DIS3L2: variants seen among roughly 807,000 people sequenced by gnomAD.
The protein encoded by DIS3L2 is DIS3 like 3'-5' exoribonuclease 2, also known as DIS3-like exonuclease 2.
Under a neutral mutation model 97.5 loss-of-function variants are expected in DIS3L2, and 34 were observed. The ratio of observed to expected loss-of-function variants is 0.35; its 90% CI spans 0.27 to 0.46. DIS3L2 has a LOEUF of 0.46. Among genes scored for constraint, DIS3L2 ranks in the 20% least tolerant of loss-of-function variants. DIS3L2 has a pLI of 1.00. For missense variants in DIS3L2, 1,038 were observed against 1,146.0 expected (o/e 0.91, Z 1.36); for synonymous variants, 435 against 445.2 (o/e 0.98, Z 0.29).
chr2:232,014,648 G>C (rs1694302875), intron 1 of DIS3L2, among the ~76,000 whole-genome samples, 187 bp from the exon 2 acceptor site: 1 of 152,198 alleles, frequency 6.6e-6, no homozygotes, highest in South Asian at 2.1e-4. Flanking sequence ...TGGTACCTGT[G>C]AGGGTGAAGG....
At chr2:232,173,963 A>G (rs1426313633) in intron 9 of DIS3L2, among the ~76,000 whole-genome samples, 1 of 152,072 alleles carries the variant, frequency 6.6e-6, no homozygotes, top group Non-Finnish European at 1.5e-5. Flanking sequence ...TCAGCTTGTC[A>G]ATTTCAGGAG....
intron 5 of DIS3L2, among the ~76,000 whole-genome samples, chr2:232,071,381 G>T (rs987195863): frequency 2.6e-5 from 4 of 152,048 alleles, no homozygotes; most frequent in African/African-American, 9.7e-5. Context: ...AGGTAGCCAG[G>T]CATGTTGGTG....
chr2:232,172,651 G>A (rs766120598), intron 9 of DIS3L2: 1 of 530,474 alleles, frequency 1.9e-6, no homozygotes, highest in Admixed American at 2.0e-5. Flanking sequence ...TATACACCTA[G>A]GAGTGAAATT....
chr2:232,010,156 A>G (rs998813559), intron 1 of DIS3L2, among the ~76,000 whole-genome samples: 17 of 152,140 alleles, frequency 1.1e-4, no homozygotes, highest in African/African-American at 4.1e-4. Context: ...AATGTTTTTG[A>G]TCAATATCAA....
At chr2:232,070,804 C>T (rs544315596) in intron 5 of DIS3L2, among the ~76,000 whole-genome samples, 3 of 152,108 alleles carry the variant, frequency 2.0e-5, no homozygotes, top group South Asian at 4.2e-4. Flanking sequence ...AGGATGGTCT[C>T]GATCTCTTGA....
chr2:232,292,572 G>A lies in DIS3L2; in HGVS notation c.1660-7468G>A, dbSNP rs138011829. Among the ~76,000 whole-genome samples the A allele has an allele frequency of 3.9e-3, 590 of 152,276 alleles. 10 individuals carry two copies. The highest frequency in any genetic ancestry group is 0.014 in the African/African-American group (573 of 41,544). On this transcript the variant is annotated intron_variant, in intron 13 of 20. Coordinates refer to ENST00000325385, the MANE Select transcript of DIS3L2 (RefSeq NM_152383.5). This position sits in a 1 kb window ranked among gnomAD's most constrained non-coding sequence, Gnocchi z 4.4. ...ATCCAGGCTCCTAGAGCTCACCCAC[G>A]CGATTCTCTTAAGGCCAGTTTCCTG...
chr2:232,016,202 A>T (rs981060215), intron 3 of DIS3L2, among the ~76,000 whole-genome samples: 5 of 152,244 alleles, frequency 3.3e-5, no homozygotes, highest in Non-Finnish European at 4.4e-5. Context: ...TGAGTGCTTT[A>T]TACTTTACAA....
rs139072730 is a variant in DIS3L2 at position 232,221,797 on chromosome 2, G to A, written c.1204+11392G>A. Among the ~76,000 whole-genome samples, 896 of 152,026 alleles carry A rather than the reference G, an allele frequency of 5.9e-3. 6 individuals carry two copies. The highest frequency in any genetic ancestry group is 0.02 in the African/African-American group (826 of 41,474). On this transcript the variant is annotated intron_variant, in intron 10 of 20. Transcript: ENST00000325385. Reference sequence around the variant, plus strand: ...GCCGGGGTGACAAGAGTGAAACTCCGTCTCAAAAAAAGAAAAGAAAAATTC... The same window carrying A: ...GCCGGGGTGACAAGAGTGAAACTCCATCTCAAAAAAAGAAAAGAAAAATTC...
chr2:232,055,173 T>C (rs1559579367), intron 5 of DIS3L2, among the ~76,000 whole-genome samples: 1 of 152,204 alleles, frequency 6.6e-6, no homozygotes, highest in South Asian at 2.1e-4. Context: ...CCTCTGATAA[T>C]GGGAATGAAG....
intron 5 of DIS3L2, among the ~76,000 whole-genome samples, chr2:232,064,282 G>A (rs12466027): frequency 0.11 from 16,779 of 152,066 alleles, 1,149 homozygotes; most frequent in African/African-American, 0.19. Context: ...GCATCCCTGT[G>A]GATTTACCTT....
intron 10 of DIS3L2, among the ~76,000 whole-genome samples, chr2:232,229,376 C>T (rs1002030498): frequency 6.6e-6 from 1 of 152,158 alleles, no homozygotes; most frequent in Non-Finnish European, 1.5e-5. Flanking sequence ...TAGGGTCCTT[C>T]GCAGTCCCTA....
At chr2:232,026,420 GT>G (rs1367391875) in intron 4 of DIS3L2, among the ~76,000 whole-genome samples, 1 of 152,026 alleles carries the variant, frequency 6.6e-6, no homozygotes, top group African/African-American at 2.4e-5. Context: ...CTGTCCCCTT[GT>G]GATTCCCTTG....
chr2:231,991,451 G>C (rs984596217), intron 1 of DIS3L2, among the ~76,000 whole-genome samples: 4 of 151,752 alleles, frequency 2.6e-5, no homozygotes, highest in Non-Finnish European at 5.9e-5. Flanking sequence ...TAGATTTTTG[G>C]TAGAGATGAA....
chr2:231,992,775 T>G (rs1481491438), intron 1 of DIS3L2, among the ~76,000 whole-genome samples: 4 of 152,182 alleles, frequency 2.6e-5, no homozygotes, highest in Admixed American at 2.0e-4. Context: ...CTCTTTTCCC[T>G]GCTGCCAAGC....
At chr2:231,995,666 C>G (rs997045079) in intron 1 of DIS3L2, among the ~76,000 whole-genome samples, 8 of 152,162 alleles carry the variant, frequency 5.3e-5, no homozygotes, top group Non-Finnish European at 1.0e-4. Flanking sequence ...TCTACTTTTT[C>G]TGGTTTCTGG....
chr2:232,261,139 TAG>T (rs1693701851), intron 12 of DIS3L2, among the ~76,000 whole-genome samples: 1 of 152,152 alleles, frequency 6.6e-6, no homozygotes, highest in Admixed American at 6.5e-5. Context: ...CTCAACTACA[TAG>T]ATTGGGGTTC....
intron 4 of DIS3L2, 54 bp downstream of exon 4, chr2:232,024,384 T>A: frequency 7.3e-7 from 1 of 1,377,404 alleles, no homozygotes; most frequent in Non-Finnish European, 1.0e-6. Flanking sequence ...TTTTTAGATC[T>A]GCTCCGAAAC....
At chr2:232,309,832 A>G (rs927450308) in intron 14 of DIS3L2, among the ~76,000 whole-genome samples, 1 of 152,214 alleles carries the variant, frequency 6.6e-6, no homozygotes, top group East Asian at 1.9e-4. Flanking sequence ...GCAGTTGGGG[A>G]CATTGTCAGT....
intron 1 of DIS3L2, among the ~76,000 whole-genome samples, chr2:232,002,276 G>A (rs867024984): frequency 8.6e-5 from 13 of 151,958 alleles, no homozygotes; most frequent in African/African-American, 3.1e-4. Context: ...ATTACTGTAG[G>A]CTATATTTTG....
Sources: gnomAD v4.1 joint callset for allele counts (sites outside exome capture counted in the v4.1 genomes callset) on GRCh38, gnomAD v4.1.1 for gene constraint, Gnocchi (gnomAD v3.1) non-coding constraint, MANE v1.5 for transcripts, NCBI Gene and HGNC (gene_info 2026-07-23, HGNC 2026-07-21) for gene names.